HELZ: variants seen among roughly 807,000 people sequenced by gnomAD.
HELZ encodes the protein helicase with zinc finger.
In HELZ, 23 loss-of-function variants were observed where a neutral mutation model predicts 218.2. The ratio of observed to expected loss-of-function variants is 0.11; its 90% CI spans 0.08 to 0.15. HELZ has a LOEUF of 0.15. HELZ is among the 10% of genes least tolerant of loss of function. The probability of loss-of-function intolerance (pLI) is 1.00; values close to 1 mark genes in which losing one functional copy is unlikely to be tolerated. For synonymous variants in HELZ, 814 were observed against 829.4 expected (o/e 0.98, Z 0.32); for missense variants, 1,813 against 2,353.7 (o/e 0.77, Z 4.75).
At chr17:67,091,585 T>G (rs191400031) in intron 31 of HELZ, among the ~76,000 whole-genome samples, 1 of 152,174 alleles carries the variant, frequency 6.6e-6, no homozygotes, top group Non-Finnish European at 1.5e-5. Flanking sequence ...TAGATCAGAA[T>G]GACATCATCT....
In HELZ at chr17:67,073,921, G is replaced by A. The variant is rs753065825; in HGVS notation, c.*4331C>T. 3.3e-5 allele frequency: 5 copies of A among 152,128 alleles called. No individual in the cohort carries two copies. Among genetic ancestry groups the A allele is most frequent in the Admixed American group, 2.0e-4 (3 of 15,268 alleles). 9.4% of individuals were successfully genotyped at this position (152,128 alleles called of 1,614,324 possible). On this transcript the variant is annotated 3_prime_UTR_variant, in exon 33 of 33. Coordinates refer to ENST00000358691, the MANE Select transcript of HELZ (RefSeq NM_014877.4). ...GGAAATGTGAGGAGCATATCATAAT[G>A]AGCATTTTCAAGACTAACATGCCAG...
At chr17:67,230,131 T>C (rs2040996884) in intron 3 of HELZ, among the ~76,000 whole-genome samples, 1 of 152,308 alleles carries the variant, frequency 6.6e-6, no homozygotes, top group South Asian at 2.1e-4. Flanking sequence ...TTTTTTTCCA[T>C]CTATTACTTT....
In HELZ at chr17:67,124,017, T is replaced by A; in HGVS notation, c.3388-3A>T. 1 of 1,583,998 alleles carries A rather than the reference T, an allele frequency of 6.3e-7. No individual in the cohort carries two copies. On this transcript the variant is annotated splice_region_variant and splice_polypyrimidine_tract_variant and intron_variant, in intron 24 of 32. Transcript: ENST00000358691. ...TGGGTATGATGAAGACTTTTCCCCT[T>A]TAAAGAAAAACACAAATGTATAATA...
intron 24 of HELZ, among the ~76,000 whole-genome samples, chr17:67,126,920 C>T (rs2037818140): frequency 6.6e-6 from 1 of 152,180 alleles, no homozygotes; most frequent in Non-Finnish European, 1.5e-5. Flanking sequence ...GTATGAAAGT[C>T]ATGTCCCCTG....
intron 27 of HELZ, among the ~76,000 whole-genome samples, chr17:67,118,160 T>C (rs2037486673): frequency 6.6e-6 from 1 of 152,240 alleles, no homozygotes; most frequent in Non-Finnish European, 1.5e-5. Context: ...CAAGACAGCA[T>C]ATTTGGTGTA....
At chr17:67,116,356 A>T (rs1421988118) in intron 27 of HELZ, among the ~76,000 whole-genome samples, 1 of 152,128 alleles carries the variant, frequency 6.6e-6, no homozygotes, top group Non-Finnish European at 1.5e-5. Context: ...AAATGGTCTA[A>T]ACACCCCAAT....
chr17:67,123,855 AAG>A (rs925944457), intron 25 of HELZ, 106 bp downstream of exon 25: 11 of 626,138 alleles, frequency 1.8e-5, no homozygotes, highest in Middle Eastern at 3.0e-4. Flanking sequence ...GTCAGAGAGA[AAG>A]AGAGAGAGAA....
intron 12 of HELZ, among the ~76,000 whole-genome samples, chr17:67,180,240 T>C (rs1191812450): frequency 1.3e-5 from 2 of 151,990 alleles, no homozygotes; most frequent in Non-Finnish European, 2.9e-5. Flanking sequence ...CCCCATCACG[T>C]TGGGAGGTCA....
chr17:67,162,011 C>G (rs565739413), intron 15 of HELZ, among the ~76,000 whole-genome samples: 1 of 152,154 alleles, frequency 6.6e-6, no homozygotes, highest in East Asian at 1.9e-4. Context: ...GCAAAATAAC[C>G]CTCAAATAGA....
Position 67,123,109 on chromosome 17 carries a change from G to A in HELZ, c.3491C>T (p.Pro1164Leu). ...TGGGTGAGGTCCAAGAGGGGGTGGA[G>A]GAGTATATGCTCTAATAGGATTGCC... ...LIGNPIRAYT[P>L]PPPLGPHPNL... Residue 1164 changes from proline to leucine, a missense_variant, in exon 26 of 33, where the codon CCT (proline) becomes CTT (leucine). Pro to Leu is a moderately conservative substitution (Grantham distance 98, BLOSUM62 -3). Coordinates refer to ENST00000358691, the MANE Select transcript of HELZ (RefSeq NM_014877.4). 1 of 1,613,614 alleles carries A rather than the reference G, an allele frequency of 6.2e-7. No homozygotes were observed. Among genetic ancestry groups the A allele is most frequent in the Non-Finnish European group, 8.5e-7 (1 of 1,179,602 alleles).
At chr17:67,123,919 T>C in intron 25 of HELZ, 44 bp downstream of exon 25, 1 of 1,419,246 alleles carries the variant, frequency 7.0e-7, no homozygotes, top group Non-Finnish European at 1.0e-6. Context: ...GAAAATCTCT[T>C]ACATCATAAA....
intron 4 of HELZ, 39 bp from the exon 5 acceptor site, chr17:67,215,974 A>G: frequency 8.3e-7 from 1 of 1,200,100 alleles, no homozygotes; most frequent in Non-Finnish European, 1.2e-6. Flanking sequence ...AAGTATTTCA[A>G]GAGCTGCTTT....
At chr17:67,086,758 A>C in intron 32 of HELZ, 71 bp downstream of exon 32, 1 of 1,534,188 alleles carries the variant, frequency 6.5e-7, no homozygotes, top group Non-Finnish European at 8.9e-7. Flanking sequence ...CAGGTGGTAT[A>C]GAAGAAAAAC....
intron 17 of HELZ, among the ~76,000 whole-genome samples, chr17:67,153,624 C>T (rs1274709434): frequency 6.6e-6 from 1 of 152,090 alleles, no homozygotes; most frequent in Non-Finnish European, 1.5e-5. Context: ...AATGAGATAA[C>T]AGATGTATAA....
intron 23 of HELZ, among the ~76,000 whole-genome samples, chr17:67,129,263 A>C (rs866441256): frequency 2.0e-5 from 3 of 151,992 alleles, no homozygotes; most frequent in Non-Finnish European, 4.4e-5. Context: ...ATGTATATAA[A>C]ATTCAATATA....
chr17:67,125,405 A>G (rs1024727244), intron 24 of HELZ, among the ~76,000 whole-genome samples: 1 of 146,520 alleles, frequency 6.8e-6, no homozygotes, highest in Non-Finnish European at 1.5e-5. Context: ...AAAAAGGCAA[A>G]CATCAAGATG....
At chr17:67,103,349 T>C (rs907898498) in intron 31 of HELZ, among the ~76,000 whole-genome samples, 2 of 152,114 alleles carry the variant, frequency 1.3e-5, no homozygotes, top group African/African-American at 2.4e-5. Flanking sequence ...TTATCTTCCA[T>C]ATAAAAAAGC....
chr17:67,087,792 C>T (rs1021873645), intron 31 of HELZ, among the ~76,000 whole-genome samples: 1 of 152,224 alleles, frequency 6.6e-6, no homozygotes, highest in African/African-American at 2.4e-5. Context: ...ATTCCTTTAA[C>T]CCTTCCGACA....
chr17:67,137,174 C>T (rs2038179779), intron 22 of HELZ, among the ~76,000 whole-genome samples: 1 of 152,062 alleles, frequency 6.6e-6, no homozygotes, highest in Admixed American at 6.6e-5. Context: ...CATATCTATT[C>T]CCTCACCCTA....
Sources: allele counts gnomAD v4.1 joint callset (sites outside exome capture counted in the v4.1 genomes callset), GRCh38; gene constraint gnomAD v4.1.1; transcripts MANE v1.5; gene names NCBI Gene and HGNC (gene_info 2026-07-23, HGNC 2026-07-21).